DCLK1: variants seen among roughly 807,000 people sequenced by gnomAD.
DCLK1 encodes the protein doublecortin like kinase 1.
DCLK1 carries 16 observed loss-of-function variants against 86.2 expected under a neutral mutation model. The observed-to-expected ratio is 0.19, with a 90% CI of 0.13 to 0.28. The LOEUF is 0.28. Ranked by LOEUF, DCLK1 falls within the 10% of genes least tolerant of loss-of-function variation. DCLK1 has a pLI of 1.00. For synonymous variants in DCLK1, 369 were observed against 370.5 expected (o/e 1.00, Z 0.05); for missense variants, 590 against 940.2 (o/e 0.63, Z 4.87).
At chr13:36,090,152 G>A (rs1006490040) in intron 3 of DCLK1, among the ~76,000 whole-genome samples, 2 of 152,196 alleles carry the variant, frequency 1.3e-5, no homozygotes, top group African/African-American at 4.8e-5. Context: ...GGAAAGGAAA[G>A]TTATTTGACA....
intron 3 of DCLK1, among the ~76,000 whole-genome samples, chr13:36,097,865 G>T (rs1443439937): frequency 1.3e-5 from 2 of 151,854 alleles, no homozygotes; most frequent in Admixed American, 6.6e-5. Flanking sequence ...AAAAAAAGAT[G>T]CACATGAATT....
chr13:36,114,662 T>C (rs1172913327), intron 2 of DCLK1, among the ~76,000 whole-genome samples: 6 of 152,260 alleles, frequency 3.9e-5, no homozygotes, highest in Non-Finnish European at 5.9e-5. Context: ...GTATTAACTA[T>C]TTTTACAGTA....
chr13:35,806,241 A>T (rs557001343), intron 14 of DCLK1, among the ~76,000 whole-genome samples: 1 of 152,206 alleles, frequency 6.6e-6, no homozygotes, highest in African/African-American at 2.4e-5. Context: ...TTTGAAAGAA[A>T]GGTATGAGGA....
chr13:35,770,633 A>G lies in DCLK1; in HGVS notation c.*3902T>C, dbSNP rs1204508187. The G allele has an allele frequency of 6.6e-6, 1 of 152,242 alleles. No homozygotes were observed. The highest frequency in any genetic ancestry group is 1.5e-5 in the Non-Finnish European group (1 of 68,040). The allele number at this position is 152,242 out of a possible 1,614,324, so 9.4% of individuals were successfully genotyped here. A position where few individuals can be genotyped will look rare whatever the true frequency, so the allele number is the denominator to read the frequency against. ...AAATCTTTGGGCAAAAAAAAATATC[A>G]TGTAGCAGTTAAAAAAATTATTGAC... On this transcript the variant is annotated 3_prime_UTR_variant, in exon 17 of 17. Transcript: ENST00000360631.
chr13:35,840,103 G>A (rs995426845), intron 6 of DCLK1, among the ~76,000 whole-genome samples: 7 of 152,140 alleles, frequency 4.6e-5, no homozygotes, highest in Non-Finnish European at 7.4e-5. Context: ...TCATGGTGCC[G>A]GCTGTCTGTG....
At chr13:36,004,785 C>A (rs1488147767) in intron 3 of DCLK1, among the ~76,000 whole-genome samples, 1 of 152,038 alleles carries the variant, frequency 6.6e-6, no homozygotes, top group African/African-American at 2.4e-5. Flanking sequence ...GCCATGTTGT[C>A]CAGGCTGGTC....
At chr13:35,791,288 A>T (rs79298569) in intron 16 of DCLK1, among the ~76,000 whole-genome samples, 8 of 151,880 alleles carry the variant, frequency 5.3e-5, no homozygotes, top group African/African-American at 1.9e-4. Context: ...AAAAAAAAAA[A>T]CCTCTGCAGC....
intron 4 of DCLK1, among the ~76,000 whole-genome samples, chr13:35,874,649 T>C (rs551579695): frequency 1.3e-5 from 2 of 152,286 alleles, no homozygotes; most frequent in East Asian, 3.9e-4. Flanking sequence ...TACAGGAATA[T>C]TGACAAAAAT....
chr13:36,001,738 A>G (rs1420883992), intron 3 of DCLK1, among the ~76,000 whole-genome samples: 1 of 152,208 alleles, frequency 6.6e-6, no homozygotes, highest in Admixed American at 6.5e-5. Flanking sequence ...TCTCTAAACA[A>G]AGGTTTCCTT....
In DCLK1 at chr13:35,774,561, C is replaced by G. The variant is rs1487787106; in HGVS notation, c.2197G>C (p.Val733Leu). Residue 733 changes from valine to leucine, a missense_variant, in exon 17 of 17, where the codon GTT (valine) becomes CTT (leucine). Around this residue, in one of 6 missense-constraint regions of DCLK1, gnomAD observed 146 missense variants for 190.2 expected, o/e 0.77. Coordinates refer to ENST00000360631, the MANE Select transcript of DCLK1 (RefSeq NM_001330071.2). The stretch of plus-strand genomic sequence containing the variant: ...TAAAAGGGCGAGTTAGGGGAGCGAA[C>G]AGTCTCGGAGGAGCTTGGGGAGTAG... The part of the protein sequence containing the change: ...EDYSPSSSET[V>L]RSPNSPF The G allele has an allele frequency of 1.3e-6, 2 of 1,558,440 alleles. No homozygotes were observed. Among genetic ancestry groups the G allele is most frequent in the South Asian group, 1.2e-5 (1 of 84,774 alleles).
chr13:36,128,388 T>C (rs9575364), intron 1 of DCLK1, among the ~76,000 whole-genome samples: 60,320 of 152,014 alleles, frequency 0.4, 12,500 homozygotes, highest in East Asian at 0.59. Flanking sequence ...TTACTGTAAC[T>C]CCAAAGCTGG....
intron 3 of DCLK1, among the ~76,000 whole-genome samples, chr13:35,964,994 C>G (rs752953760): frequency 1.3e-5 from 2 of 152,154 alleles, no homozygotes; most frequent in Non-Finnish European, 2.9e-5. Context: ...AATATTTACT[C>G]TCTGACCCTT....
At chr13:35,929,579 G>A (rs1223453717) in intron 4 of DCLK1, among the ~76,000 whole-genome samples, 1 of 152,198 alleles carries the variant, frequency 6.6e-6, no homozygotes, top group Non-Finnish European at 1.5e-5. Context: ...GCAAGATGAT[G>A]CTAGTTTCAT....
chr13:35,893,267 A>G (rs905633805), intron 4 of DCLK1, among the ~76,000 whole-genome samples: 4 of 152,204 alleles, frequency 2.6e-5, no homozygotes, highest in Non-Finnish European at 5.9e-5. Flanking sequence ...GTTGGCTCAC[A>G]ACACCATTCT....
chr13:35,807,580 G>T (rs900513135), intron 14 of DCLK1, among the ~76,000 whole-genome samples: 1 of 152,158 alleles, frequency 6.6e-6, no homozygotes, highest in Non-Finnish European at 1.5e-5. Context: ...CATACTTTAG[G>T]CAGGGATAGT....
chr13:35,989,006 A>C (rs1370759172), intron 3 of DCLK1, among the ~76,000 whole-genome samples: 3 of 152,174 alleles, frequency 2.0e-5, no homozygotes, highest in Non-Finnish European at 4.4e-5. Context: ...TCTCACCTGC[A>C]GGCCATCTTC....
intron 16 of DCLK1, among the ~76,000 whole-genome samples, chr13:35,776,428 G>GA (rs2086425847): frequency 6.6e-6 from 1 of 152,088 alleles, no homozygotes; most frequent in African/African-American, 2.4e-5. Context: ...CCTTGAGAAA[G>GA]AAAAAAGTCA....
chr13:36,102,886 A>G (rs1885265211), intron 3 of DCLK1, among the ~76,000 whole-genome samples: 1 of 152,192 alleles, frequency 6.6e-6, no homozygotes, highest in African/African-American at 2.4e-5. Context: ...GAGGCTCTAC[A>G]GACAAGTCAC....
rs186412618 is a variant in DCLK1 at position 35,935,306 on chromosome 13, A to C, written c.823+12052T>G. Among the ~76,000 whole-genome samples, 381 of 152,306 alleles carry C rather than the reference A, an allele frequency of 2.5e-3. 4 individuals carry two copies. The highest frequency in any genetic ancestry group is 2.1e-3 in the Non-Finnish European group (143 of 68,042). ...TAGGCAGTGGAGGGCTAGGTAAGTC[A>C]ATTCAGGAGGATTAATCGGGTTCAA... On this transcript the variant is annotated intron_variant, in intron 4 of 16. Transcript: ENST00000360631.
Sources: gnomAD v4.1 joint callset for allele counts (sites outside exome capture counted in the v4.1 genomes callset) on GRCh38, gnomAD v4.1.1 for gene constraint, gnomAD v4.1.1 regional missense constraint, MANE v1.5 for transcripts, NCBI Gene and HGNC (gene_info 2026-07-23, HGNC 2026-07-21) for gene names.